The following PVT1 variants were observed in gnomAD, a reference collection of about 807,000 sequenced individuals.
The protein encoded by PVT1 is CXCR4/PVT1 fusion.
intron 4 of PVT1, among the ~76,000 whole-genome samples, chr8:128,002,584 G>C (rs1053134451): frequency 1.3e-5 from 2 of 152,140 alleles, no homozygotes; most frequent in African/African-American, 4.8e-5. Flanking sequence ...TCTGCTGGAG[G>C]CTGGCCATCC....
At chr8:127,897,625 AAGAAAGAC>A (rs374448342) in intron 3 of PVT1, among the ~76,000 whole-genome samples, 13 of 150,264 alleles carry the variant, frequency 8.7e-5, no homozygotes, top group African/African-American at 3.2e-4. Flanking sequence ...GAAAGAAAGA[AAGAAAGAC>A]AGACAAAGAA....
chr8:127,884,877 G>A (rs1815507165), intron 2 of PVT1, among the ~76,000 whole-genome samples: 4 of 152,236 alleles, frequency 2.6e-5, no homozygotes, highest in Admixed American at 2.6e-4. Flanking sequence ...ACCACCACTT[G>A]ACTGCAGTAA....
At chr8:127,947,796 A>G (rs1816442983) in intron 3 of PVT1, 2 of 456,402 alleles carry the variant, frequency 4.4e-6, no homozygotes, top group South Asian at 3.1e-5. Context: ...AATAGTTACA[A>G]ATACTATGAA....
At chr8:127,818,374 C>T (rs573700334) in intron 2 of PVT1, among the ~76,000 whole-genome samples, 1 of 152,202 alleles carries the variant, frequency 6.6e-6, no homozygotes, top group Non-Finnish European at 1.5e-5. Flanking sequence ...CTGTTAATTC[C>T]TGTGCTGCCC....
intron 4 of PVT1, among the ~76,000 whole-genome samples, chr8:128,063,053 T>C (rs1813851258): frequency 6.6e-6 from 1 of 152,184 alleles, no homozygotes; most frequent in African/African-American, 2.4e-5. Context: ...TGAGACATAC[T>C]AGGAAATCCC....
At chr8:127,971,779 G>T (rs1372977032) in intron 3 of PVT1, among the ~76,000 whole-genome samples, 1 of 152,214 alleles carries the variant, frequency 6.6e-6, no homozygotes, top group African/African-American at 2.4e-5. Context: ...CAGGTTGTGT[G>T]CATGGAACAT....
chr8:128,046,414 T>A (rs2720710), intron 4 of PVT1, among the ~76,000 whole-genome samples: 3,419 of 152,324 alleles, frequency 0.022, 106 homozygotes, highest in African/African-American at 0.07. Flanking sequence ...GGATCTGAAG[T>A]CCGGGAGCCT....
intron 3 of PVT1, among the ~76,000 whole-genome samples, chr8:127,973,165 G>A (rs1231054325): frequency 6.6e-6 from 1 of 152,154 alleles, no homozygotes; most frequent in Admixed American, 6.5e-5. Flanking sequence ...CAAAGTGCCA[G>A]GATTACAGGT....
chr8:127,798,719 AAAAAAAAT>A (rs1814427255), intron 2 of PVT1, among the ~76,000 whole-genome samples: 3 of 151,200 alleles, frequency 2.0e-5, no homozygotes, highest in South Asian at 4.2e-4. Flanking sequence ...AAAAAAAAAA[AAAAAAAAT>A]TAGCCCGGCG....
At chr8:127,888,196 T>C (rs1370601507) in intron 2 of PVT1, among the ~76,000 whole-genome samples, 1 of 152,162 alleles carries the variant, frequency 6.6e-6, no homozygotes, top group South Asian at 2.1e-4. Context: ...CGCCTCGGCC[T>C]CCCAAAGTGC....
intron 3 of PVT1, among the ~76,000 whole-genome samples, chr8:127,952,257 C>T (rs1232533709): frequency 6.6e-6 from 1 of 152,232 alleles, no homozygotes; most frequent in Non-Finnish European, 1.5e-5. Context: ...AGAAAGACTG[C>T]CCTGGCCTCC....
rs182015176 is a variant in PVT1, at chr8:127,896,316, A to G, written n.782+5318A>G. 7.5e-3 allele frequency among the ~76,000 whole-genome samples: 1,142 copies of G among 152,176 alleles called. 14 individuals are homozygous for G. Among genetic ancestry groups the G allele is most frequent in the Non-Finnish European group, 9.3e-3 (634 of 68,006 alleles). On this transcript the variant is annotated intron_variant and non_coding_transcript_variant, in intron 3 of 10. Transcript: ENST00000651587. ...CAGTTTTGGGAAGTCAGTTTAGAAC[A>G]GTATTGGACACACTGTTCCATCCCT...
chr8:128,042,470 C>A lies in PVT1; in HGVS notation n.913-27690C>A, dbSNP rs557692405. Among the ~76,000 whole-genome samples the A allele has an allele frequency of 4.6e-5, 7 of 152,278 alleles. No homozygotes were observed. In the South Asian group the frequency reaches 1.5e-3, roughly 32 times the overall value. On this transcript the variant is annotated intron_variant and non_coding_transcript_variant, in intron 4 of 10. Coordinates refer to ENST00000651587, the Ensembl canonical transcript of PVT1. The stretch of plus-strand genomic sequence containing the variant: ...TACAGTATAAGAACACCACTTCCCC[C>A]CAAGATGTGCAGGACACAGGATACT...
intron 3 of PVT1, among the ~76,000 whole-genome samples, chr8:127,958,478 A>C (rs1816598318): frequency 6.6e-6 from 1 of 152,124 alleles, no homozygotes; most frequent in Non-Finnish European, 1.5e-5. Context: ...GAGCTCAGGC[A>C]TCCGCCTGCT....
At chr8:128,010,802 AATCACACACACTTG>A (rs1276941578) in intron 4 of PVT1, among the ~76,000 whole-genome samples, 1 of 152,180 alleles carries the variant, frequency 6.6e-6, no homozygotes, top group Non-Finnish European at 1.5e-5. Context: ...CGTCTTGTTG[AATCACACACACTTG>A]ATCTCACTAC....
At chr8:127,930,312 A>C (rs1269462279) in intron 3 of PVT1, among the ~76,000 whole-genome samples, 1 of 152,142 alleles carries the variant, frequency 6.6e-6, no homozygotes, top group Non-Finnish European at 1.5e-5. Flanking sequence ...ATGCGCCACC[A>C]GGTCTGGCTA....
chr8:128,056,411 A>T (rs1813762969), intron 4 of PVT1, among the ~76,000 whole-genome samples: 1 of 152,228 alleles, frequency 6.6e-6, no homozygotes, highest in Non-Finnish European at 1.5e-5. Flanking sequence ...ATATGTATAT[A>T]TTTCTATATA....
chr8:127,978,064 G>T (rs1382555556), intron 3 of PVT1, among the ~76,000 whole-genome samples: 1 of 152,154 alleles, frequency 6.6e-6, no homozygotes, highest in African/African-American at 2.4e-5. Flanking sequence ...CTCTTCTCTT[G>T]CATGCTTACT....
chr8:127,847,744 T>TA (rs950574340), intron 2 of PVT1, among the ~76,000 whole-genome samples: 147 of 150,700 alleles, frequency 9.8e-4, no homozygotes, highest in Non-Finnish European at 1.6e-3. Context: ...ATCTTTTCTG[T>TA]AAAAAAAAAG....
Sources: gnomAD v4.1 joint callset for allele counts (sites outside exome capture counted in the v4.1 genomes callset) on GRCh38, gnomAD v4.1.1 for gene constraint, MANE v1.5 for transcripts, NCBI Gene and HGNC (gene_info 2026-07-23, HGNC 2026-07-21) for gene names.